BBS4: variants seen among roughly 807,000 people sequenced by gnomAD.
The protein encoded by BBS4 is Bardet-Biedl syndrome 4, also known as BBSome complex member BBS4.
BBS4 carries 58 observed loss-of-function variants against 71.4 expected under a neutral mutation model. The ratio of observed to expected loss-of-function variants is 0.81; its 90% CI spans 0.66 to 1.01. The LOEUF (loss-of-function observed/expected upper bound fraction) is 1.01. Ranked by LOEUF, BBS4 falls within the 50% of genes least tolerant of loss-of-function variation. BBS4 has a pLI of 0.00. For synonymous variants in BBS4, 228 were observed against 216.8 expected (o/e 1.05, Z -0.46); for missense variants, 660 against 607.9 (o/e 1.09, Z -0.90).
chr15:72,717,585 C>T (rs1308455231), intron 6 of BBS4, among the ~76,000 whole-genome samples: 3 of 152,034 alleles, frequency 2.0e-5, no homozygotes, highest in East Asian at 1.9e-4. Context: ...CCAGAAGTCC[C>T]CCACAGACTT....
chr15:72,711,885 T>C, intron 3 of BBS4, among the ~76,000 whole-genome samples: 1 of 151,268 alleles, frequency 6.6e-6, no homozygotes. Context: ...CTTTTTTTTT[T>C]CAGACAGAGT....
chr15:72,695,352 A>G (rs532319584), intron 2 of BBS4, 124 bp downstream of exon 2: 34 of 617,808 alleles, frequency 5.5e-5, no homozygotes, highest in East Asian at 5.3e-4. Flanking sequence ...CAGTAGCACA[A>G]TCTTGGCTCA....
chr15:72,718,991 T>C (rs2065515873), intron 6 of BBS4, among the ~76,000 whole-genome samples: 1 of 152,190 alleles, frequency 6.6e-6, no homozygotes, highest in Non-Finnish European at 1.5e-5. Flanking sequence ...AAGGTGGTAA[T>C]TGAAACCATT....
chr15:72,708,506 T>A (rs1595920235), intron 2 of BBS4, among the ~76,000 whole-genome samples: 1 of 152,316 alleles, frequency 6.6e-6, no homozygotes, highest in East Asian at 1.9e-4. Flanking sequence ...TTGTGTTAAC[T>A]GTACAAATTG....
At chr15:72,701,221 T>G (rs2065163511) in intron 2 of BBS4, among the ~76,000 whole-genome samples, 1 of 152,206 alleles carries the variant, frequency 6.6e-6, no homozygotes, top group African/African-American at 2.4e-5. Flanking sequence ...AATCATGCAG[T>G]GTGTACTTTT....
At chr15:72,705,905 G>T (rs1326396191) in intron 2 of BBS4, among the ~76,000 whole-genome samples, 4 of 151,898 alleles carry the variant, frequency 2.6e-5, no homozygotes, top group Non-Finnish European at 5.9e-5. Context: ...TTTATTGTGA[G>T]ATTTTAATAA....
rs139671907 is a variant in BBS4, at chr15:72,724,554, G to A, written c.486G>A (p.Leu162=). The A allele has an allele frequency of 6.2e-7, 1 of 1,614,064 alleles. No homozygotes were observed. The highest frequency in any genetic ancestry group is 2.2e-5 in the East Asian group (1 of 44,874). The change falls in exon 8 of 16, where the codon CTG becomes CTA. Residue 162 remains leucine, a synonymous_variant. Transcript: ENST00000268057. ...CACAAGACCAGTTGCACAATGCCCT[G>A]AATCTTAATAGGCACGATCTGACTT... The part of the protein sequence containing the change: ...NKAQDQLHNA[L]NLNRHDLTYI...
intron 2 of BBS4, chr15:72,704,628 C>T: frequency 5.0e-6 from 2 of 396,162 alleles, no homozygotes; most frequent in Non-Finnish European, 9.3e-6. Context: ...ACCTGTAATC[C>T]CAGCACTTTG....
At chr15:72,720,652 G>C (rs1430556015) in intron 6 of BBS4, among the ~76,000 whole-genome samples, 1 of 152,130 alleles carries the variant, frequency 6.6e-6, no homozygotes. Context: ...CCATTGACAA[G>C]TGAGGAAGCT....
chr15:72,706,174 T>TCGCCCAGGCTG (rs1177620701), intron 2 of BBS4, among the ~76,000 whole-genome samples: 1 of 152,136 alleles, frequency 6.6e-6, no homozygotes, highest in Non-Finnish European at 1.5e-5. Context: ...TCTCGCTCTG[T>TCGCCCAGGCTG]CGCCCAGGCT....
chr15:72,734,979 C>G, intron 12 of BBS4, 134 bp from the exon 13 acceptor site: 1 of 699,864 alleles, frequency 1.4e-6, no homozygotes, highest in Non-Finnish European at 2.6e-6. Flanking sequence ...GAAGATAGCA[C>G]CAGGTATCTA....
In BBS4 at chr15:72,737,574, TAAG is replaced by T. The variant is rs759099125; in HGVS notation, c.1549_1551del (p.Arg517del). 5 of 1,607,096 alleles carry T rather than the reference TAAG, an allele frequency of 3.1e-6. No homozygotes were observed. In the Admixed American group the frequency reaches 8.4e-5, roughly 27 times the overall value. ...AGTCCAACTGAAACATCAGAACAAA[TAAG>T]AGAGAAATAAGAATAGAATGAATGA... On this transcript the variant is annotated inframe_deletion, in exon 16 of 16. Coordinates refer to ENST00000268057, the MANE Select transcript of BBS4 (RefSeq NM_033028.5).
At chr15:72,709,934 T>C (rs1000337872) in intron 3 of BBS4, among the ~76,000 whole-genome samples, 155 bp downstream of exon 3, 1 of 152,184 alleles carries the variant, frequency 6.6e-6, no homozygotes, top group South Asian at 2.1e-4. Context: ...TTTGCTATGG[T>C]AGTGATGTTT....
chr15:72,730,209 A>C (rs1411794868), intron 10 of BBS4, among the ~76,000 whole-genome samples: 2 of 151,830 alleles, frequency 1.3e-5, no homozygotes, highest in East Asian at 3.9e-4. Context: ...CCCGGGAGGC[A>C]GAGCTTGCAG....
intron 2 of BBS4, among the ~76,000 whole-genome samples, chr15:72,700,944 A>G (rs962362320): frequency 2.6e-5 from 4 of 152,200 alleles, no homozygotes; most frequent in East Asian, 3.8e-4. Flanking sequence ...ATTTGGCTCA[A>G]TCAGTAATTT....
intron 8 of BBS4, among the ~76,000 whole-genome samples, chr15:72,725,259 G>C (rs920424658): frequency 1.3e-5 from 2 of 152,142 alleles, no homozygotes; most frequent in African/African-American, 2.4e-5. Flanking sequence ...TGTGTTGACA[G>C]GGTCTTGCTG....
rs33994964 is a variant in BBS4 at position 72,691,958 on chromosome 15, C to CA, written c.25-3200dup. Among the ~76,000 whole-genome samples the CA allele has an allele frequency of 1.9e-3, 190 of 102,362 alleles. 3 individuals are homozygous for CA. Among genetic ancestry groups the CA allele is most frequent in the African/African-American group, 5.5e-3 (151 of 27,282 alleles). The allele number at this position is 102,362 out of a possible 152,430, so 67.2% of individuals were successfully genotyped here. A position where few individuals can be genotyped will look rare whatever the true frequency, so the allele number is the denominator to read the frequency against. On this transcript the variant is annotated intron_variant, in intron 1 of 15. Transcript: ENST00000268057. Reference sequence around the variant, plus strand: ...AGCTTGGCAGAGCGAGACTTCGTCTCAAAAAAAAAAAAAAAAAAAGCTGCT... The same window carrying CA: ...AGCTTGGCAGAGCGAGACTTCGTCTCAAAAAAAAAAAAAAAAAAAAGCTGCT...
At chr15:72,706,067 A>G (rs958782462) in intron 2 of BBS4, among the ~76,000 whole-genome samples, 1 of 152,146 alleles carries the variant, frequency 6.6e-6, no homozygotes, top group Non-Finnish European at 1.5e-5. Context: ...GATAGGTGAC[A>G]GAGGACTGGG....
rs2065634630 is a variant in BBS4, at chr15:72,724,617, C to T, written c.549C>T (p.Asp183=). Residue 183 remains aspartate, a synonymous_variant, in exon 8 of 16, where the codon GAC becomes GAT. Transcript: ENST00000268057. ...GGAAGATCCACTTGCTGGAGGGAGA[C>T]TTGGACAAGGCCATTGAAGTCTACA... ...MLGKIHLLEG[D]LDKAIEVYKK... 3 of 1,614,098 alleles carry T rather than the reference C, an allele frequency of 1.9e-6. No homozygotes were observed. In the East Asian group the frequency reaches 6.7e-5, roughly 36 times the overall value.
Sources: gnomAD v4.1 joint callset for allele counts (sites outside exome capture counted in the v4.1 genomes callset) on GRCh38, gnomAD v4.1.1 for gene constraint, MANE v1.5 for transcripts, NCBI Gene and HGNC (gene_info 2026-07-23, HGNC 2026-07-21) for gene names.